BANP: variants seen among roughly 807,000 people sequenced by gnomAD.
BANP encodes protein BANP.
Under a neutral mutation model 68.1 loss-of-function variants are expected in BANP, and 11 were observed. The ratio of observed to expected loss-of-function variants is 0.16; its 90% CI spans 0.10 to 0.27. The LOEUF (loss-of-function observed/expected upper bound fraction) is 0.27, where lower values mean the gene tolerates loss of function less well. Ranked by LOEUF, BANP falls within the 10% of genes least tolerant of loss-of-function variation. The pLI is 1.00. For synonymous variants in BANP, 329 were observed against 303.2 expected (o/e 1.09, Z -0.88); for missense variants, 504 against 722.7 (o/e 0.70, Z 3.47).
At chr16:88,022,871 C>T (rs1401519308) in intron 7 of BANP, among the ~76,000 whole-genome samples, 1 of 152,178 alleles carries the variant, frequency 6.6e-6, no homozygotes, top group Non-Finnish European at 1.5e-5. Flanking sequence ...TTTGGAGCTC[C>T]CTCTCCTGCA....
chr16:88,016,068 GC>G (rs1037606231), intron 6 of BANP, among the ~76,000 whole-genome samples: 12 of 152,150 alleles, frequency 7.9e-5, no homozygotes, highest in African/African-American at 2.7e-4. Context: ...GCAAATCTCT[GC>G]CCCTTGCCCA....
At chr16:88,075,469 C>T (rs2091397328) in intron 13 of BANP, among the ~76,000 whole-genome samples, 1 of 152,162 alleles carries the variant, frequency 6.6e-6, no homozygotes, top group South Asian at 2.1e-4. Context: ...CACTACTGCA[C>T]TCCAACCTGG....
chr16:88,056,461 CT>C (rs5818659), intron 11 of BANP, among the ~76,000 whole-genome samples: 43,477 of 119,566 alleles, frequency 0.36, 7,410 homozygotes, highest in Non-Finnish European at 0.52. Context: ...TATTCTCTCT[CT>C]TTTTTTTTTT....
chr16:87,995,096 CTG>C (rs2066831915), intron 4 of BANP, among the ~76,000 whole-genome samples: 1 of 152,200 alleles, frequency 6.6e-6, no homozygotes, highest in African/African-American at 2.4e-5. Context: ...TTTTTAAAAC[CTG>C]TGTCCTGGAA....
intron 2 of BANP, chr16:87,978,765 A>T: frequency 2.4e-6 from 1 of 425,206 alleles, no homozygotes; most frequent in Non-Finnish European, 4.8e-6. Flanking sequence ...TAATCAAAAC[A>T]GTCTCAGCCT....
At chr16:87,981,180 C>A in intron 3 of BANP, 53 bp downstream of exon 3, 2 of 1,303,372 alleles carry the variant, frequency 1.5e-6, no homozygotes, top group Non-Finnish European at 2.2e-6. Flanking sequence ...ATTTCAAGGG[C>A]TGCTATAACA....
chr16:87,995,225 C>T (rs1354122546), intron 4 of BANP, among the ~76,000 whole-genome samples: 2 of 152,252 alleles, frequency 1.3e-5, no homozygotes, highest in African/African-American at 4.8e-5. Flanking sequence ...GGGACAGCCC[C>T]TGACGGCCAG....
Position 88,064,956 on chromosome 16 carries a change from C to T in BANP, c.1312-311C>T, listed in dbSNP as rs1038011837. Among the ~76,000 whole-genome samples, 1 of 151,968 alleles carries T rather than the reference C, an allele frequency of 6.6e-6. No individual in the cohort carries two copies. The highest frequency in any genetic ancestry group is 2.4e-5 in the African/African-American group (1 of 41,196). ...CCAATTTTGTTTTGGCTTTTAAAAA[C>T]TCCTACAGTACAAACTCTTTCTAAT... On this transcript the variant is annotated intron_variant, in intron 11 of 13. Transcript: ENST00000682872. This position sits in a 1 kb window ranked among gnomAD's most constrained non-coding sequence, Gnocchi z 4.5.
intron 13 of BANP, among the ~76,000 whole-genome samples, chr16:88,074,688 GGCCCC>G (rs1234660125): frequency 1.3e-5 from 2 of 151,920 alleles, no homozygotes; most frequent in African/African-American, 4.8e-5. Flanking sequence ...CCCAGGCGGT[GGCCCC>G]CCTACCCCAA....
chr16:88,009,228 T>G (rs7199963), intron 6 of BANP, among the ~76,000 whole-genome samples: 1 of 152,304 alleles, frequency 6.6e-6, no homozygotes, highest in South Asian at 2.1e-4. Context: ...CCTGGGCAGG[T>G]GGTGAATCAG....
chr16:87,950,067 C>T (rs1451640450), upstream of BANP, among the ~76,000 whole-genome samples: 2 of 152,012 alleles, frequency 1.3e-5, no homozygotes, highest in South Asian at 2.1e-4. Flanking sequence ...TTAGTAGAGA[C>T]GGGGTTTCAC....
At chr16:88,044,988 A>C (rs1333534119) in intron 11 of BANP, among the ~76,000 whole-genome samples, 2 of 152,250 alleles carry the variant, frequency 1.3e-5, no homozygotes, top group Admixed American at 6.5e-5. Flanking sequence ...TCTCAAAAAA[A>C]AAAAATTTAC....
chr16:88,059,872 G>T (rs2086225458), intron 11 of BANP, among the ~76,000 whole-genome samples: 1 of 152,232 alleles, frequency 6.6e-6, no homozygotes. Flanking sequence ...TTGAGACCCG[G>T]CATTGGGATG....
chr16:88,006,261 G>C lies in BANP; in HGVS notation c.651G>C (p.Ser217=), dbSNP rs141911325. The C allele has an allele frequency of 1.9e-6, 3 of 1,600,110 alleles. No homozygotes were observed. The highest frequency in any genetic ancestry group is 2.6e-6 in the Non-Finnish European group (3 of 1,171,142). ...GSNVTLITLN[S]EEDYPNGTWL... ...ACGTCACGCTCATCACCCTGAACTC[G>C]GAAGGTGCGTCCAGGGCGGCTTTCC... The change falls in exon 6 of 14, where the codon TCG becomes TCC. Residue 217 remains serine, a synonymous_variant. Coordinates refer to ENST00000682872, the MANE Select transcript of BANP (RefSeq NM_001386991.1).
intron 11 of BANP, among the ~76,000 whole-genome samples, chr16:88,060,172 G>A (rs1236789042): frequency 3.9e-5 from 6 of 152,270 alleles, no homozygotes; most frequent in Non-Finnish European, 8.8e-5. Context: ...GCAACCACCT[G>A]TCGGCACGAG....
chr16:88,032,462 A>G (rs1473166444), intron 8 of BANP, among the ~76,000 whole-genome samples: 10 of 152,230 alleles, frequency 6.6e-5, no homozygotes, highest in African/African-American at 1.4e-4. Context: ...TTGGCCTCAC[A>G]GAGTGCTGGG....
chr16:87,949,979 G>C (rs969899221), upstream of BANP, among the ~76,000 whole-genome samples: 1 of 150,460 alleles, frequency 6.6e-6, no homozygotes, highest in East Asian at 2.0e-4. Context: ...CCGGGTTCAC[G>C]CCATTCTCCC....
intron 1 of BANP, among the ~76,000 whole-genome samples, chr16:87,959,056 G>T (rs2058631965): frequency 6.6e-6 from 1 of 152,254 alleles, no homozygotes; most frequent in African/African-American, 2.4e-5. Context: ...GCCCACAGGG[G>T]TGGAGATCTT....
At chr16:88,026,846 A>G (rs2077096372) in intron 7 of BANP, among the ~76,000 whole-genome samples, 1 of 152,352 alleles carries the variant, frequency 6.6e-6, no homozygotes. Context: ...TGAATTTTCG[A>G]AACTGTGTTT....
Sources: gnomAD v4.1 joint callset for allele counts (sites outside exome capture counted in the v4.1 genomes callset) on GRCh38, gnomAD v4.1.1 for gene constraint, Gnocchi (gnomAD v3.1) non-coding constraint, MANE v1.5 for transcripts, NCBI Gene and HGNC (gene_info 2026-07-23, HGNC 2026-07-21) for gene names.